Variants in ZNF385D observed in about 807,000 individuals in gnomAD.
ZNF385D encodes the protein zinc finger protein 385D, also known as zinc finger protein 659.
ZNF385D carries 15 observed loss-of-function variants against 35.8 expected under a neutral mutation model. That is an observed-to-expected ratio of 0.42 (90% CI 0.28 to 0.64). ZNF385D has a LOEUF of 0.64. ZNF385D is among the 30% of genes least tolerant of loss of function. The pLI is 0.23. For missense variants in ZNF385D, 474 were observed against 494.6 expected (o/e 0.96, Z 0.39); for synonymous variants, 212 against 186.8 (o/e 1.13, Z -1.10).
intron 3 of ZNF385D, among the ~76,000 whole-genome samples, chr3:22,131,994 C>A (rs971868939): frequency 6.6e-6 from 1 of 152,126 alleles, no homozygotes; most frequent in African/African-American, 2.4e-5. Context: ...TGTAGGGGTG[C>A]AGGCCTGAAG....
At chr3:21,782,994 C>G (rs2071550115) in intron 3 of ZNF385D, among the ~76,000 whole-genome samples, 1 of 152,062 alleles carries the variant, frequency 6.6e-6, no homozygotes, top group Admixed American at 6.6e-5. Flanking sequence ...ATAGTCACAC[C>G]TCGATTGCAA....
intron 3 of ZNF385D, among the ~76,000 whole-genome samples, chr3:22,070,743 A>C (rs1392370630): frequency 1.3e-5 from 2 of 152,146 alleles, no homozygotes; most frequent in Non-Finnish European, 2.9e-5. Flanking sequence ...GGGAATCTAT[A>C]TCCTGAGTTG....
At chr3:22,010,616 T>C (rs1696511932) in intron 3 of ZNF385D, among the ~76,000 whole-genome samples, 1 of 152,188 alleles carries the variant, frequency 6.6e-6, no homozygotes, top group Non-Finnish European at 1.5e-5. Flanking sequence ...CTCTTCTGAT[T>C]GTCTCTGAAT....
intron 3 of ZNF385D, among the ~76,000 whole-genome samples, chr3:21,878,537 C>G: frequency 6.6e-6 from 1 of 151,964 alleles, no homozygotes; most frequent in Admixed American, 6.6e-5. Flanking sequence ...GCATGAAGTC[C>G]TTATTTTTCA....
chr3:22,119,507 C>T (rs1479433626), intron 3 of ZNF385D, among the ~76,000 whole-genome samples: 1 of 152,022 alleles, frequency 6.6e-6, no homozygotes, highest in Non-Finnish European at 1.5e-5. Context: ...ATTGCTCTAT[C>T]CTCTACTTTT....
intron 3 of ZNF385D, among the ~76,000 whole-genome samples, chr3:21,971,055 A>G (rs2125340767): frequency 6.6e-6 from 1 of 152,272 alleles, no homozygotes; most frequent in Admixed American, 6.5e-5. Flanking sequence ...CTGTCCTACA[A>G]GAAATACTAA....
intron 1 of ZNF385D, among the ~76,000 whole-genome samples, chr3:21,719,272 A>G (rs1231583343): frequency 2.0e-5 from 3 of 152,198 alleles, no homozygotes; most frequent in African/African-American, 7.2e-5. Context: ...ACTTGTTACT[A>G]AATTTTAAAT....
intron 3 of ZNF385D, among the ~76,000 whole-genome samples, chr3:21,532,428 C>T (rs555739077): frequency 2.0e-4 from 30 of 152,130 alleles, no homozygotes; most frequent in African/African-American, 6.3e-4. Flanking sequence ...TTATATAAAT[C>T]GCAAACATTT....
At chr3:22,158,461 T>G (rs1705730493) in intron 3 of ZNF385D, among the ~76,000 whole-genome samples, 1 of 152,126 alleles carries the variant, frequency 6.6e-6, no homozygotes, top group African/African-American at 2.4e-5. Context: ...ATTTTATTCT[T>G]AACAAGTTCA....
chr3:21,496,589 C>A (rs1705909442), intron 4 of ZNF385D, among the ~76,000 whole-genome samples: 1 of 145,666 alleles, frequency 6.9e-6, no homozygotes, highest in African/African-American at 2.5e-5. Flanking sequence ...TATATATACA[C>A]ACATATATAT....
chr3:22,295,488 C>G (rs539471976), intron 2 of ZNF385D, among the ~76,000 whole-genome samples: 3 of 152,032 alleles, frequency 2.0e-5, no homozygotes, highest in African/African-American at 4.8e-5. Context: ...GTTTGCAAAG[C>G]AAAACTGGGC....
intron 1 of ZNF385D, among the ~76,000 whole-genome samples, chr3:21,672,527 G>T (rs2066607276): frequency 6.6e-6 from 1 of 152,074 alleles, no homozygotes; most frequent in African/African-American, 2.4e-5. Context: ...GGGAGTATGA[G>T]TCAGGGCAAT....
Position 21,425,690 on chromosome 3 carries a change from G to A in ZNF385D, c.674-20C>T, listed in dbSNP as rs775881150. 4.1e-6 allele frequency: 6 copies of A among 1,479,846 alleles called. No homozygotes were observed. The South Asian group carries it at 6.9e-5, about 17-fold the overall frequency. The allele number at this position is 1,479,846 out of a possible 1,614,324, so 91.7% of individuals were successfully genotyped here. Reference sequence around the variant, plus strand: ...TAGTACCTGTCAGGAATATTGAAATGAAGGAAGGAAAGGAGGGAGGAAAGA... The same window carrying A: ...TAGTACCTGTCAGGAATATTGAAATAAAGGAAGGAAAGGAGGGAGGAAAGA... On this transcript the variant is annotated intron_variant, in intron 5 of 7. Coordinates refer to ENST00000281523, the MANE Select transcript of ZNF385D (RefSeq NM_024697.3).
chr3:21,714,060 C>A (rs562882114), intron 1 of ZNF385D, among the ~76,000 whole-genome samples: 1 of 152,268 alleles, frequency 6.6e-6, no homozygotes, highest in East Asian at 1.9e-4. Flanking sequence ...TGGTTCTTTG[C>A]TCCCTTGGCT....
chr3:21,425,471 C>A, intron 6 of ZNF385D, 21 bp downstream of exon 6: 4 of 1,555,486 alleles, frequency 2.6e-6, no homozygotes, highest in Non-Finnish European at 3.5e-6. Context: ...GGTTTTCATT[C>A]CTAGAATACG....
chr3:21,511,012 C>T lies in ZNF385D; in HGVS notation c.288G>A (p.Ala96=), dbSNP rs775721433. 196 of 1,613,942 alleles carry T rather than the reference C, an allele frequency of 1.2e-4. No homozygotes were observed. The highest frequency in any genetic ancestry group is 1.5e-4 in the Non-Finnish European group (179 of 1,179,936). ...CATGTTTCGTGCCTTTGTAGTGGGCCGCAGCCTGGCTCTACAAAGGAGAAC... is the reference window on the plus strand; with the variant it reads ...CATGTTTCGTGCCTTTGTAGTGGGCTGCAGCCTGGCTCTACAAAGGAGAAC... ...QLRFNSDSQA[A]AHYKGTKHAK... is the part of the protein sequence containing the mutation. The change falls in exon 4 of 8, where the codon GCG becomes GCA. Residue 96 remains alanine, a synonymous_variant. Coordinates refer to ENST00000281523, the MANE Select transcript of ZNF385D (RefSeq NM_024697.3).
chr3:21,983,556 G>C (rs2125376669), intron 3 of ZNF385D, among the ~76,000 whole-genome samples: 1 of 146,676 alleles, frequency 6.8e-6, no homozygotes, highest in South Asian at 2.3e-4. Context: ...TCTTCATGCA[G>C]TCTATCATTG....
chr3:21,975,213 T>C (rs1703520370), intron 3 of ZNF385D, among the ~76,000 whole-genome samples: 1 of 152,144 alleles, frequency 6.6e-6, no homozygotes, highest in Non-Finnish European at 1.5e-5. Context: ...ATATACACAA[T>C]GGAGTACTAT....
chr3:22,110,891 A>T lies in ZNF385D; in HGVS notation c.325+57926T>A, dbSNP rs947920482. ...AGGATATAAGGCTGTCAAGAGAGGTATAATTTAGCTGAGAGTCTTGAATAT... is the reference window on the plus strand; with the variant it reads ...AGGATATAAGGCTGTCAAGAGAGGTTTAATTTAGCTGAGAGTCTTGAATAT... On this transcript the variant is annotated intron_variant, in intron 3 of 5. Transcript: ENST00000494108. Among the ~76,000 whole-genome samples, 4 of 152,114 alleles carry T rather than the reference A, an allele frequency of 2.6e-5. No homozygotes were observed. In the South Asian group the frequency reaches 6.2e-4, roughly 24 times the overall value.
Sources: gnomAD v4.1 joint callset for allele counts (sites outside exome capture counted in the v4.1 genomes callset) on GRCh38, gnomAD v4.1.1 for gene constraint, MANE v1.5 for transcripts, NCBI Gene and HGNC (gene_info 2026-07-23, HGNC 2026-07-21) for gene names.